The following ABCB1 variants were observed in gnomAD, a reference collection of about 807,000 sequenced individuals.
ABCB1 encodes the protein ATP-dependent translocase ABCB1.
In ABCB1, 69 loss-of-function variants were observed where a neutral mutation model predicts 142.0. The ratio of observed to expected loss-of-function variants is 0.49; its 90% CI spans 0.40 to 0.59. The LOEUF is 0.59. Among genes scored for constraint, ABCB1 ranks in the 20% least tolerant of loss-of-function variants. ABCB1 has a pLI of 0.00. For missense variants in ABCB1, 1,326 were observed against 1,554.7 expected (o/e 0.85, Z 2.47); for synonymous variants, 532 against 539.2 (o/e 0.99, Z 0.18).
chr7:87,566,339 G>T, intron 6 of ABCB1, 98 bp from the exon 7 acceptor site: 1 of 1,219,684 alleles, frequency 8.2e-7, no homozygotes, highest in Non-Finnish European at 1.2e-6. Flanking sequence ...TATGGCTAGA[G>T]TATTTTGTGC....
chr7:87,566,756 C>T (rs1397121940), intron 6 of ABCB1, 29 bp downstream of exon 6: 1 of 1,608,788 alleles, frequency 6.2e-7, no homozygotes, highest in Admixed American at 1.7e-5. Context: ...AGAACGACAC[C>T]CAAGTTCAAC....
intron 1 of ABCB1, among the ~76,000 whole-genome samples, chr7:87,711,327 A>G (rs1486366893): frequency 6.6e-6 from 1 of 151,876 alleles, no homozygotes; most frequent in Admixed American, 6.6e-5. Flanking sequence ...ACTCTGTCTC[A>G]AAAAATATAT....
chr7:87,515,895 C>T (rs1815224253), intron 24 of ABCB1, among the ~76,000 whole-genome samples: 2 of 152,198 alleles, frequency 1.3e-5, no homozygotes. Context: ...CTGTGCTTGA[C>T]CTCAGACTGC....
At chr7:87,693,757 CAG>C (rs1828228746) in intron 1 of ABCB1, 2 of 642,660 alleles carry the variant, frequency 3.1e-6, no homozygotes, top group South Asian at 2.0e-5. Flanking sequence ...TTTATCTTAA[CAG>C]AGTTCATTTA....
chr7:87,627,696 C>T (rs1820749418), intron 1 of ABCB1: 1 of 152,260 alleles, frequency 6.6e-6, no homozygotes, highest in Non-Finnish European at 1.5e-5. Context: ...AGGGAGCAGC[C>T]CAGCTGGACC....
intron 21 of ABCB1, chr7:87,521,459 T>A (rs1815504642): frequency 1.4e-6 from 1 of 714,860 alleles, no homozygotes; most frequent in Admixed American, 1.9e-5. Flanking sequence ...TCCCCTGCCG[T>A]CATGTCTAAG....
At chr7:87,525,068 G>A (rs1231601937) in intron 21 of ABCB1, among the ~76,000 whole-genome samples, 1 of 152,062 alleles carries the variant, frequency 6.6e-6, no homozygotes, top group Middle Eastern at 3.2e-3. Flanking sequence ...ATAACTTCAG[G>A]ACTGTCTTCA....
At chr7:87,625,022 C>T (rs1204527826) in intron 1 of ABCB1, among the ~76,000 whole-genome samples, 1 of 152,098 alleles carries the variant, frequency 6.6e-6, no homozygotes, top group Admixed American at 6.6e-5. Context: ...TCTGGGAGGC[C>T]GAGAAGGGCG....
intron 1 of ABCB1, among the ~76,000 whole-genome samples, chr7:87,681,935 G>A (rs571994256): frequency 2.6e-5 from 4 of 152,252 alleles, no homozygotes; most frequent in East Asian, 3.9e-4. Flanking sequence ...ATTTGGTAGC[G>A]TTCTACCCAC....
At chr7:87,558,610 T>C (rs1273961777) in intron 8 of ABCB1, among the ~76,000 whole-genome samples, 1 of 152,166 alleles carries the variant, frequency 6.6e-6, no homozygotes, top group African/African-American at 2.4e-5. Flanking sequence ...TAAACACATT[T>C]GCCTCATTCA....
intron 3 of ABCB1, among the ~76,000 whole-genome samples, chr7:87,591,525 C>A (rs1397178036): frequency 6.6e-6 from 1 of 152,086 alleles, no homozygotes; most frequent in Non-Finnish European, 1.5e-5. Flanking sequence ...AGCCCAAGAT[C>A]CTGTCCACAC....
At chr7:87,700,342 G>T (rs186170052) in intron 1 of ABCB1, 2 of 1,250,572 alleles carry the variant, frequency 1.6e-6, no homozygotes, top group African/African-American at 3.0e-5. Flanking sequence ...TTATTTTTCA[G>T]AATTTTATTG....
chr7:87,550,865 G>A, intron 9 of ABCB1, 27 bp from the exon 10 acceptor site: 1 of 1,453,164 alleles, frequency 6.9e-7, no homozygotes. Context: ...AAAACCATCA[G>A]GCTACTGAGA....
chr7:87,709,432 C>T, intron 1 of ABCB1: 1 of 985,332 alleles, frequency 1.0e-6, no homozygotes, highest in Non-Finnish European at 1.2e-6. Flanking sequence ...CTACAGCTAA[C>T]TGCAGGTTCC....
rs1234835735 is a variant in ABCB1, at chr7:87,515,748, AC to A, written c.3085-321del. 4.7e-5 allele frequency among the ~76,000 whole-genome samples: 7 copies of A among 149,582 alleles called. No homozygotes were observed. In the East Asian group the frequency reaches 1.4e-3, roughly 29 times the overall value. ...TGGGATTACAGGCGTGTGCCACCAC[AC>A]CCAGCTAATCTTTTTTTTTTTATTT... On this transcript the variant is annotated intron_variant, in intron 24 of 27. Coordinates refer to ENST00000622132, the MANE Select transcript of ABCB1 (RefSeq NM_001348946.2).
At chr7:87,530,937 AGAAG>A (rs972401993) in intron 21 of ABCB1, among the ~76,000 whole-genome samples, 16 of 151,676 alleles carry the variant, frequency 1.1e-4, no homozygotes, top group African/African-American at 3.6e-4. Context: ...AAAGAAGGAA[AGAAG>A]GAAGGAAGGA....
intron 9 of ABCB1, among the ~76,000 whole-genome samples, chr7:87,551,834 T>C (rs1207819005): frequency 6.6e-6 from 1 of 152,186 alleles, no homozygotes; most frequent in African/African-American, 2.4e-5. Flanking sequence ...ATTTCTTCAA[T>C]GTCTAGTTTT....
intron 1 of ABCB1, among the ~76,000 whole-genome samples, chr7:87,668,515 C>T (rs543996348): frequency 4.0e-5 from 6 of 151,446 alleles, no homozygotes; most frequent in Non-Finnish European, 8.8e-5. Context: ...TTCTTGTCTT[C>T]CGCTAGTATT....
upstream of ABCB1, among the ~76,000 whole-genome samples, chr7:87,603,831 T>C (rs1270178337): frequency 3.3e-5 from 5 of 152,244 alleles, no homozygotes; most frequent in Non-Finnish European, 7.3e-5. Context: ...AACTCTGCTA[T>C]CCCACAGTTA....
Sources: allele counts gnomAD v4.1 joint callset (sites outside exome capture counted in the v4.1 genomes callset), GRCh38; gene constraint gnomAD v4.1.1; transcripts MANE v1.5; gene names NCBI Gene and HGNC (gene_info 2026-07-23, HGNC 2026-07-21).